Variants in UGT2B7 observed in about 807,000 individuals in gnomAD.
The protein encoded by UGT2B7 is UDP glucuronosyltransferase family 2 member B7, also known as UDP-glucuronosyltransferase 2B7.
In UGT2B7, 51 loss-of-function variants were observed where a neutral mutation model predicts 51.9. The ratio of observed to expected loss-of-function variants is 0.98; its 90% CI spans 0.78 to 1.24. The LOEUF is 1.24. Among genes scored for constraint, UGT2B7 ranks in the 50% most tolerant of loss-of-function variants. The probability of loss-of-function intolerance (pLI) is 0.00; values close to 1 mark genes in which losing one functional copy is unlikely to be tolerated. For synonymous variants in UGT2B7, 225 were observed against 211.6 expected, an observed-to-expected ratio of 1.06 and a Z score of -0.55; for missense variants, 727 against 628.4, an observed-to-expected ratio of 1.16 and a Z score of -1.68.
intron 1 of UGT2B7, among the ~76,000 whole-genome samples, 189 bp downstream of exon 1, chr4:69,097,430 C>T (rs1719278596): frequency 6.6e-6 from 1 of 151,964 alleles, no homozygotes; most frequent in Admixed American, 6.6e-5. Flanking sequence ...CAGTTAAAAC[C>T]CTGTGGCCAT....
chr4:69,112,586 C>T lies in UGT2B7; in HGVS notation c.1440C>T (p.Ala480=), dbSNP rs1577930191. Residue 480 remains alanine (A), a synonymous_variant, in exon 6 of 6, where the codon GCC becomes GCT. Transcript: ENST00000305231. The part of the protein sequence containing the change: ...HKGAKHLRVA[A]HDLTWFQYHS... ...GAGCTAAACACCTTCGGGTTGCAGC[C>T]CACGACCTCACCTGGTTCCAGTACC... The T allele has an allele frequency of 1.2e-6, 2 of 1,613,932 alleles. No individual in the cohort carries two copies. Among genetic ancestry groups the T allele is most frequent in the Non-Finnish European group, 1.7e-6 (2 of 1,179,882 alleles).
At position 69,055,098 on chromosome 4, in the gene UGT2B7, T is replaced by TAAAAAAAAAAAAAAAAAAAAAAAAAAAAA. The variant is rs1178892377; in HGVS notation, c.-159+3524_-159+3525insAAAAAAAAAAAAAAAAAAAAAAAAAAAAA. On this transcript the variant is annotated intron_variant, in intron 1 of 5. Coordinates refer to the UGT2B7 transcript ENST00000502942. ...TAAGTGACAGAAGTAAAGTAATAGCTAAAAAAAAAAAAAAAAAAAAAAAAA... is the reference window on the plus strand; with the variant it reads ...TAAGTGACAGAAGTAAAGTAATAGCTAAAAAAAAAAAAAAAAAAAAAAAAAAAAAAAAAAAAAAAAAAAAAAAAAAAAAA... Among the ~76,000 whole-genome samples the TAAAAAAAAAAAAAAAAAAAAAAAAAAAAA allele has an allele frequency of 3.1e-4, 7 of 22,562 alleles. 1 individual carries two copies. Among genetic ancestry groups the TAAAAAAAAAAAAAAAAAAAAAAAAAAAAA allele is most frequent in the African/African-American group, 1.2e-3 (6 of 4,976 alleles). The allele number at this position is 22,562 out of a possible 152,430, so 14.8% of individuals were successfully genotyped here. A position where few individuals can be genotyped will look rare whatever the true frequency, so the allele number is the denominator to read the frequency against.
At chr4:69,102,709 A>G in intron 2 of UGT2B7, 98 bp from the exon 3 acceptor site, 1 of 1,526,218 alleles carries the variant, frequency 6.6e-7, no homozygotes, top group African/African-American at 1.4e-5. Flanking sequence ...ATTCCTCAAA[A>G]TACTGGATTT....
intron 5 of UGT2B7, among the ~76,000 whole-genome samples, chr4:69,108,950 T>C (rs1302551425): frequency 6.6e-6 from 1 of 152,090 alleles, no homozygotes; most frequent in Non-Finnish European, 1.5e-5. Context: ...CCTTTCTCTA[T>C]AGATTATTCT....
At chr4:69,054,107 A>G (rs1327881030) in intron 1 of UGT2B7, among the ~76,000 whole-genome samples, 2 of 152,060 alleles carry the variant, frequency 1.3e-5, no homozygotes, top group Non-Finnish European at 2.9e-5. Flanking sequence ...TAGATAAACT[A>G]CATCTATTAC....
intron 1 of UGT2B7, among the ~76,000 whole-genome samples, chr4:69,063,317 T>TC (rs1718397351): frequency 5.0e-5 from 1 of 19,850 alleles, no homozygotes; most frequent in Non-Finnish European, 6.8e-5. Context: ...AGACTCCGTC[T>TC]CAAAAAAAAA....
chr4:69,055,701 T>C (rs1288302823), intron 1 of UGT2B7, among the ~76,000 whole-genome samples: 2 of 152,214 alleles, frequency 1.3e-5, no homozygotes, highest in East Asian at 3.8e-4. Context: ...TCAATGGCCA[T>C]GGGAAGCCCC....
At chr4:69,085,479 T>A (rs955527628) in intron 1 of UGT2B7, among the ~76,000 whole-genome samples, 1 of 152,128 alleles carries the variant, frequency 6.6e-6, no homozygotes, top group Non-Finnish European at 1.5e-5. Context: ...TTAGATCCCA[T>A]TTGTCAATTT....
At chr4:69,085,433 T>C (rs1292946629) in intron 1 of UGT2B7, among the ~76,000 whole-genome samples, 2 of 152,154 alleles carry the variant, frequency 1.3e-5, no homozygotes, top group East Asian at 1.9e-4. Flanking sequence ...AGTCTGATGA[T>C]AGTTTATTTT....
chr4:69,064,094 A>G (rs371061116), intron 1 of UGT2B7, among the ~76,000 whole-genome samples: 7,003 of 83,548 alleles, frequency 0.084, 512 homozygotes, highest in African/African-American at 0.21. Context: ...GAAAGAAAGA[A>G]AGAGAAAGAA....
chr4:69,063,253 A>G (rs1718394500), intron 1 of UGT2B7, among the ~76,000 whole-genome samples: 1 of 136,708 alleles, frequency 7.3e-6, no homozygotes, highest in Admixed American at 8.2e-5. Context: ...CGGAAGGCGG[A>G]GCTTGCAGTG....
intron 1 of UGT2B7, among the ~76,000 whole-genome samples, chr4:69,088,565 G>T (rs1351690627): frequency 3.9e-5 from 6 of 152,092 alleles, no homozygotes; most frequent in Non-Finnish European, 8.8e-5. Flanking sequence ...TCATAGAAAA[G>T]CTCCGTATGA....
chr4:69,074,919 A>C (rs1718671242), intron 1 of UGT2B7, among the ~76,000 whole-genome samples: 1 of 152,118 alleles, frequency 6.6e-6, no homozygotes, highest in South Asian at 2.1e-4. Flanking sequence ...CTGGAGCAGA[A>C]GTGGGAAAAA....
chr4:69,096,723 A>G lies in UGT2B7; in HGVS notation c.203A>G (p.Asn68Ser), dbSNP rs1171010951. 1 of 1,613,896 alleles carries G rather than the reference A, an allele frequency of 6.2e-7. No individual in the cohort carries two copies. Among genetic ancestry groups the G allele is most frequent in the Non-Finnish European group, 8.5e-7 (1 of 1,179,896 alleles). Residue 68 changes from asparagine to serine, a missense_variant, in exon 1 of 6, where the codon AAC becomes AGC. Asn to Ser is a conservative substitution (Grantham distance 46, BLOSUM62 1). Coordinates refer to ENST00000305231, the MANE Select transcript of UGT2B7 (RefSeq NM_001074.4). Reference protein sequence around the residue: ...SSASILFDPNNSSALKIEIYP... With the variant: ...SSASILFDPNSSSALKIEIYP... ...GCTTCCATTCTTTTTGATCCCAACA[A>G]CTCATCCGCTCTTAAAATTGAAATT...
intron 1 of UGT2B7, among the ~76,000 whole-genome samples, chr4:69,062,515 T>C (rs1407181919): frequency 6.6e-6 from 1 of 152,176 alleles, no homozygotes; most frequent in African/African-American, 2.4e-5. Flanking sequence ...GGCCCCATAT[T>C]GTGATCTTGT....
At chr4:69,075,848 T>A (rs1446108452) in intron 1 of UGT2B7, among the ~76,000 whole-genome samples, 1 of 152,182 alleles carries the variant, frequency 6.6e-6, no homozygotes, top group East Asian at 1.9e-4. Context: ...GCTACATAGG[T>A]ATACATGTAC....
rs746658108 is a variant in UGT2B7, at chr4:69,081,253, T to C, written c.-158-8219T>C. Among the ~76,000 whole-genome samples, 29 of 152,168 alleles carry C rather than the reference T, an allele frequency of 1.9e-4. 1 individual carries two copies. Among genetic ancestry groups the C allele is most frequent in the African/African-American group, 2.7e-4 (11 of 41,460 alleles). ...TTGATACAACACTTTCAGCATCAGATGTAGTCAGTAATCACAAATTCAAAT... is the reference window on the plus strand; with the variant it reads ...TTGATACAACACTTTCAGCATCAGACGTAGTCAGTAATCACAAATTCAAAT... On this transcript the variant is annotated intron_variant, in intron 1 of 5. Transcript: ENST00000502942.
At position 69,097,020 on chromosome 4, in the gene UGT2B7, C is replaced by T. The variant is rs1366261224; in HGVS notation, c.500C>T (p.Pro167Leu). 26 of 1,613,510 alleles carry T rather than the reference C, an allele frequency of 1.6e-5. No individual in the cohort carries two copies. Among genetic ancestry groups the T allele is most frequent in the Non-Finnish European group, 2.2e-5 (26 of 1,179,788 alleles). Residue 167 changes from proline (P) to leucine (L), a missense_variant, in exon 1 of 6, where the codon CCC (proline) becomes CTC (leucine). Transcript: ENST00000305231. ...SELLAELFNI[P>L]FVYSLSFSPG... Reference sequence around the variant, plus strand: ...CTGCTGGCTGAGCTATTTAACATACCCTTTGTGTACAGTCTCAGCTTCTCT... The same window carrying T: ...CTGCTGGCTGAGCTATTTAACATACTCTTTGTGTACAGTCTCAGCTTCTCT...
chr4:69,062,553 G>A (rs188480253), intron 1 of UGT2B7, among the ~76,000 whole-genome samples: 104 of 152,218 alleles, frequency 6.8e-4, no homozygotes, highest in Non-Finnish European at 1.2e-3. Context: ...AAAATTGCAG[G>A]TATCGTGCCT....
Sources: allele counts gnomAD v4.1 joint callset (sites outside exome capture counted in the v4.1 genomes callset), GRCh38; gene constraint gnomAD v4.1.1; transcripts MANE v1.5; gene names NCBI Gene and HGNC (gene_info 2026-07-23, HGNC 2026-07-21).